Variants in FAM20B observed in about 807,000 individuals in gnomAD.
The protein encoded by FAM20B is glycosaminoglycan xylosylkinase.
Under a neutral mutation model 43.8 loss-of-function variants are expected in FAM20B, and 23 were observed. The ratio of observed to expected loss-of-function variants is 0.53; its 90% CI spans 0.38 to 0.74. The LOEUF (loss-of-function observed/expected upper bound fraction) is 0.74, where lower values mean the gene tolerates loss of function less well. Among genes scored for constraint, FAM20B ranks in the 30% least tolerant of loss-of-function variants. The pLI, the probability that FAM20B is intolerant of heterozygous loss-of-function variation, is 0.00. For synonymous variants in FAM20B, 178 were observed against 192.4 expected (o/e 0.93, Z 0.62); for missense variants, 440 against 510.5 (o/e 0.86, Z 1.33).
At position 179,064,460 on chromosome 1, in the gene FAM20B, G is replaced by A. The variant is rs1404068524; in HGVS notation, c.902G>A (p.Gly301Asp). ...TATGAGAGCTTTCAAGATGATGAAGGCGCTAGTATGCTCATCCTTCTTGAT... is the reference window on the plus strand; with the variant it reads ...TATGAGAGCTTTCAAGATGATGAAGACGCTAGTATGCTCATCCTTCTTGAT... ...HHYESFQDDE[G>D]ASMLILLDNA... Residue 301 changes from glycine to aspartate, a missense_variant, in exon 6 of 8, where the codon GGC becomes GAC. Coordinates refer to ENST00000263733, the MANE Select transcript of FAM20B (RefSeq NM_014864.4). 3.8e-5 allele frequency: 61 copies of A among 1,613,920 alleles called. No individual in the cohort carries two copies. Among genetic ancestry groups the A allele is most frequent in the Non-Finnish European group, 4.9e-5 (58 of 1,179,932 alleles).
intron 4 of FAM20B, among the ~76,000 whole-genome samples, chr1:179,056,170 T>C (rs1052840391): frequency 6.6e-6 from 1 of 152,204 alleles, no homozygotes; most frequent in African/African-American, 2.4e-5. Context: ...TACATTCCCA[T>C]TCACTCTTGG....
chr1:179,058,980 G>A (rs1651345146), intron 4 of FAM20B, among the ~76,000 whole-genome samples: 1 of 152,092 alleles, frequency 6.6e-6, no homozygotes, highest in African/African-American at 2.4e-5. Flanking sequence ...GCATATTTAG[G>A]GAGGTGGAGC....
At chr1:179,066,157 T>A (rs1222544670) in intron 6 of FAM20B, among the ~76,000 whole-genome samples, 1 of 152,186 alleles carries the variant, frequency 6.6e-6, no homozygotes, top group African/African-American at 2.4e-5. Context: ...TACTAAGGGC[T>A]ACCAGACTCT....
intron 1 of FAM20B, chr1:179,035,478 G>A (rs1373575048): frequency 2.9e-6 from 2 of 696,520 alleles, no homozygotes; most frequent in African/African-American, 3.5e-5. Context: ...CATAGGCATT[G>A]AAGACGCTGC....
At chr1:179,040,864 G>A (rs1287569948) in intron 1 of FAM20B, among the ~76,000 whole-genome samples, 1 of 151,562 alleles carries the variant, frequency 6.6e-6, no homozygotes, top group East Asian at 2.0e-4. Flanking sequence ...CAGACAGGGC[G>A]GTTGCCAGGC....
chr1:179,050,694 CTGT>C (rs1290393788), intron 3 of FAM20B, among the ~76,000 whole-genome samples: 2 of 152,162 alleles, frequency 1.3e-5, no homozygotes, highest in East Asian at 1.9e-4. Flanking sequence ...TCTAGCCATC[CTGT>C]TGTTTTGTTA....
At position 179,032,313 on chromosome 1, in the gene FAM20B, CTTTTTT is replaced by C. The variant is rs547439601; in HGVS notation, c.-134+6236_-134+6241del. On this transcript the variant is annotated intron_variant, in intron 1 of 7. Coordinates refer to ENST00000263733, the MANE Select transcript of FAM20B (RefSeq NM_014864.4). ...GCACAACACATGTAGAGGTCTCATT[CTTTTTT>C]TTTTTTTTTTTTTTTTTTTTGAGAC... 3.8e-3 allele frequency among the ~76,000 whole-genome samples: 430 copies of C among 111,934 alleles called. 12 individuals are homozygous for C. Among genetic ancestry groups the C allele is most frequent in the Middle Eastern group, 0.01 (2 of 196 alleles). The allele number at this position is 111,934 out of a possible 152,430, so 73.4% of individuals were successfully genotyped here. A position where few individuals can be genotyped will look rare whatever the true frequency, so the allele number is the denominator to read the frequency against.
At chr1:179,040,799 A>G (rs1397979720) in intron 1 of FAM20B, among the ~76,000 whole-genome samples, 1 of 149,714 alleles carries the variant, frequency 6.7e-6, no homozygotes, top group Non-Finnish European at 1.5e-5. Flanking sequence ...CTGGGCGGAG[A>G]CGCTCCTCAC....
In FAM20B at chr1:179,074,298, TTG is replaced by T. The variant is rs1344001784; in HGVS notation, c.*2160_*2161del. 1 of 152,652 alleles carries T rather than the reference TTG, an allele frequency of 6.6e-6. No individual in the cohort carries two copies. The highest frequency in any genetic ancestry group is 2.4e-5 in the African/African-American group (1 of 41,464). 9.5% of individuals were successfully genotyped at this position (152,652 alleles called of 1,614,324 possible). On this transcript the variant is annotated 3_prime_UTR_variant, in exon 8 of 8. Transcript: ENST00000263733. ...ATTTCAGTTTTAAGGCTACTCAGTG[TTG>T]TGTGTCCAGGGAAATTCACAGCTCA...
chr1:179,035,344 A>C, intron 1 of FAM20B: 1 of 691,404 alleles, frequency 1.4e-6, no homozygotes, highest in Non-Finnish European at 2.7e-6. Context: ...GGCAGCACCC[A>C]CAGGTCTAAA....
chr1:179,073,482 A>G lies in FAM20B; in HGVS notation c.*1338A>G, dbSNP rs1234793771. ...AGGCGCCCGCCATCGTGCCCAGCTA[A>G]TTTTTATATTTTTAGTGGAGACAGG... On this transcript the variant is annotated 3_prime_UTR_variant, in exon 8 of 8. Transcript: ENST00000263733. 6.6e-6 allele frequency: 1 copy of G among 152,034 alleles called. No homozygotes were observed. Among genetic ancestry groups the G allele is most frequent in the Non-Finnish European group, 1.5e-5 (1 of 68,032 alleles). The allele number at this position is 152,034 out of a possible 1,614,324, so 9.4% of individuals were successfully genotyped here.
chr1:179,061,973 A>G (rs949160051), intron 4 of FAM20B, among the ~76,000 whole-genome samples: 1 of 152,006 alleles, frequency 6.6e-6, no homozygotes, highest in African/African-American at 2.4e-5. Context: ...TGCAACTGGC[A>G]TAACACTGTG....
the FAM20B span, among the ~76,000 whole-genome samples, chr1:179,018,727 T>G: frequency 6.6e-6 from 1 of 152,212 alleles, no homozygotes; most frequent in Non-Finnish European, 1.5e-5. Flanking sequence ...ACTCATTCCA[T>G]AGCATTAAAT....
chr1:179,055,141 G>T (rs1281162613), intron 4 of FAM20B, among the ~76,000 whole-genome samples: 3 of 152,290 alleles, frequency 2.0e-5, no homozygotes, highest in Non-Finnish European at 4.4e-5. Context: ...TTCTGCAAGG[G>T]TTAACCTATA....
At chr1:179,047,533 G>T (rs951069277) in intron 2 of FAM20B, among the ~76,000 whole-genome samples, 10 of 145,708 alleles carry the variant, frequency 6.9e-5, no homozygotes, top group African/African-American at 2.4e-4. Context: ...TAAACAGCCT[G>T]TGTCCACTCC....
rs1323977158 is a variant in FAM20B at position 179,071,973 on chromosome 1, C to T, written c.1059C>T (p.Ala353=). 1 of 1,614,006 alleles carries T rather than the reference C, an allele frequency of 6.2e-7. No homozygotes were observed. The highest frequency in any genetic ancestry group is 8.5e-7 in the Non-Finnish European group (1 of 1,180,036). The change falls in exon 8 of 8, where the codon GCC becomes GCT. Residue 353 remains alanine (A), a synonymous_variant. Transcript: ENST00000263733. The part of the protein sequence containing the change: ...NYLKNGVLKS[A]LKSAMAHDPI... ...TAAAGAATGGTGTGCTAAAGTCTGCCTTAAAATCTGCCATGGCCCATGACC... is the reference window on the plus strand; with the variant it reads ...TAAAGAATGGTGTGCTAAAGTCTGCTTTAAAATCTGCCATGGCCCATGACC...
chr1:179,069,571 C>T (rs938829895), intron 7 of FAM20B, among the ~76,000 whole-genome samples: 3 of 152,086 alleles, frequency 2.0e-5, no homozygotes, highest in African/African-American at 7.2e-5. Flanking sequence ...AGGGTTTCAA[C>T]ATGTTGGTGG....
In FAM20B at chr1:179,032,687, A is replaced by G. The variant is rs114098482; in HGVS notation, c.-134+6589A>G. Among the ~76,000 whole-genome samples, 1,291 of 152,334 alleles carry G rather than the reference A, an allele frequency of 8.5e-3. 19 individuals carry two copies. The highest frequency in any genetic ancestry group is 0.03 in the African/African-American group (1,236 of 41,564). ...AAGTGGATAATTAGCACAGAAAAGA[A>G]GAAAAAATATCTATAGATACTGATT... On this transcript the variant is annotated intron_variant, in intron 1 of 7. Transcript: ENST00000263733.
At position 179,075,122 on chromosome 1, in the gene FAM20B, G is replaced by A. The variant is rs1652078360; in HGVS notation, c.*2978G>A. 1.3e-5 allele frequency: 2 copies of A among 152,122 alleles called. No individual in the cohort carries two copies. The highest frequency in any genetic ancestry group is 2.9e-5 in the Non-Finnish European group (2 of 68,066). The allele number at this position is 152,122 out of a possible 1,614,324, so 9.4% of individuals were successfully genotyped here. A position where few individuals can be genotyped will look rare whatever the true frequency, so the allele number is the denominator to read the frequency against. On this transcript the variant is annotated 3_prime_UTR_variant, in exon 8 of 8. Coordinates refer to ENST00000263733, the MANE Select transcript of FAM20B (RefSeq NM_014864.4). The stretch of plus-strand genomic sequence containing the variant: ...CAGGAGAATCACTTGAATCCAGGAG[G>A]CGAAGGTTGCAGTGAGCTGAGATTG...
Sources: gnomAD v4.1 joint callset for allele counts (sites outside exome capture counted in the v4.1 genomes callset) on GRCh38, gnomAD v4.1.1 for gene constraint, MANE v1.5 for transcripts, NCBI Gene and HGNC (gene_info 2026-07-23, HGNC 2026-07-21) for gene names.